The following MAD2L1BP variants were observed in gnomAD, a reference collection of about 807,000 sequenced individuals.
MAD2L1BP encodes the protein MAD2L1 binding protein.
Under a neutral mutation model 28.4 loss-of-function variants are expected in MAD2L1BP, and 22 were observed. That is an observed-to-expected ratio of 0.77 (90% CI 0.55 to 1.10). The LOEUF is 1.10. Among genes scored for constraint, MAD2L1BP ranks in the 50% least tolerant of loss-of-function variants. The pLI is 0.00. For synonymous variants in MAD2L1BP, 146 were observed against 133.7 expected (o/e 1.09, Z -0.63); for missense variants, 325 against 350.5 (o/e 0.93, Z 0.58).
At chr6:43,638,261 C>T (rs1051131617) in intron 2 of MAD2L1BP, among the ~76,000 whole-genome samples, 56 of 150,102 alleles carry the variant, frequency 3.7e-4, no homozygotes, top group East Asian at 1.0e-3. Flanking sequence ...AGGCTGGTCT[C>T]GAAGTCCTGA....
chr6:43,636,357 C>G lies in MAD2L1BP; in HGVS notation c.47-24C>G, dbSNP rs764249700. 6.8e-6 allele frequency: 11 copies of G among 1,612,036 alleles called. No homozygotes were observed. The Admixed American group carries it at 1.8e-4, about 27-fold the overall frequency. ...GCTTTTAGGTTTTTAATTTTTCTCT[C>G]TTGTCCCTCTTTTCATCTACCAGAT... is the stretch of plus-strand genomic sequence containing the variant. On this transcript the variant is annotated intron_variant, in intron 1 of 2. Coordinates refer to ENST00000372171, the MANE Select transcript of MAD2L1BP (RefSeq NM_014628.3).
At chr6:43,639,913 GA>G in intron 2 of MAD2L1BP, 107 bp from the exon 3 acceptor site, 2 of 936,074 alleles carry the variant, frequency 2.1e-6, no homozygotes, top group South Asian at 2.9e-5. Flanking sequence ...CATTGAGCTA[GA>G]AATTAAGTCC....
chr6:43,640,890 A>C lies in MAD2L1BP; in HGVS notation c.*357A>C. The C allele has an allele frequency of 4.3e-6, 1 of 230,692 alleles. No individual in the cohort carries two copies. The highest frequency in any genetic ancestry group is 8.5e-6 in the Non-Finnish European group (1 of 118,076). The allele number at this position is 230,692 out of a possible 1,614,324, so 14.3% of individuals were successfully genotyped here. ...TTTCAGAATTTTTACCAGGAACATA[A>C]TGTGGATGTGACTTATGAACTTAAA... On this transcript the variant is annotated 3_prime_UTR_variant, in exon 3 of 3. Transcript: ENST00000372171.
chr6:43,633,841 C>A (rs1239286252), upstream of MAD2L1BP, among the ~76,000 whole-genome samples: 2 of 152,164 alleles, frequency 1.3e-5, no homozygotes, highest in African/African-American at 4.8e-5. Context: ...TCCCAAAGTG[C>A]TGGGAGTACA....
At chr6:43,638,300 C>G (rs1214945) in intron 2 of MAD2L1BP, among the ~76,000 whole-genome samples, 2 of 152,094 alleles carry the variant, frequency 1.3e-5, no homozygotes, top group African/African-American at 4.8e-5. Context: ...CCTCAGCCTC[C>G]CAAAGTGTTG....
In MAD2L1BP at chr6:43,635,917, C is replaced by A; in HGVS notation, c.42C>A (p.Val14=). The A allele has an allele frequency of 2.0e-6, 3 of 1,505,598 alleles. No individual in the cohort carries two copies. The allele number at this position is 1,505,598 out of a possible 1,614,324, so 93.3% of individuals were successfully genotyped here. A position where few individuals can be genotyped will look rare whatever the true frequency, so the allele number is the denominator to read the frequency against. ...CGGAGGTTCTGTCCTCAGCCGCAGT[C>A]CCTGGTAAGGCGTGGGGCCAAGAGT... ...PEAEVLSSAA[V]PDLEWYEKSE... Residue 14 remains valine, a synonymous_variant, in exon 1 of 3, where the codon GTC becomes GTA. Coordinates refer to ENST00000372171, the MANE Select transcript of MAD2L1BP (RefSeq NM_014628.3).
upstream of MAD2L1BP, among the ~76,000 whole-genome samples, chr6:43,634,200 C>CTT (rs1459012685): frequency 7.1e-6 from 1 of 140,572 alleles, no homozygotes; most frequent in Non-Finnish European, 1.5e-5. Flanking sequence ...TTCCTCCATC[C>CTT]TTTTTTTTTT....
At chr6:43,633,708 A>G (rs1444295349), upstream of MAD2L1BP, among the ~76,000 whole-genome samples, 1 of 148,776 alleles carries the variant, frequency 6.7e-6, no homozygotes, top group Non-Finnish European at 1.5e-5. Flanking sequence ...GCCTGGCCCC[A>G]CTTGTCTATT....
exon 1 of MAD2L1BP, chr6:43,629,763 C>G: frequency 6.4e-7 from 1 of 1,559,840 alleles, no homozygotes; most frequent in Non-Finnish European, 8.7e-7. Context: ...GCCCGCGTGC[C>G]GCTGGGGTGA....
chr6:43,639,511 C>G (rs1218000587), intron 2 of MAD2L1BP, among the ~76,000 whole-genome samples: 1 of 152,206 alleles, frequency 6.6e-6, no homozygotes, highest in African/African-American at 2.4e-5. Context: ...CCAGTTCTTT[C>G]CTCTTGGGAG....
At chr6:43,637,361 C>G (rs1770290883) in intron 2 of MAD2L1BP, among the ~76,000 whole-genome samples, 1 of 151,550 alleles carries the variant, frequency 6.6e-6, no homozygotes, top group Non-Finnish European at 1.5e-5. Context: ...ACTACCGCGC[C>G]TGGCCTGCAT....
chr6:43,631,960 C>T (rs544019486), upstream of MAD2L1BP, among the ~76,000 whole-genome samples: 418 of 152,124 alleles, frequency 2.7e-3, 1 homozygote, highest in African/African-American at 8.8e-3. Context: ...AGTGCAATGG[C>T]GCGATCTTGG....
chr6:43,630,206 T>G (rs1769818336), intron 1 of MAD2L1BP, among the ~76,000 whole-genome samples: 1 of 152,206 alleles, frequency 6.6e-6, no homozygotes, highest in African/African-American at 2.4e-5. Context: ...GACTCTCTTG[T>G]GAAGCAATCT....
chr6:43,632,023 C>T (rs187846043), upstream of MAD2L1BP, among the ~76,000 whole-genome samples: 6 of 152,120 alleles, frequency 3.9e-5, no homozygotes, highest in African/African-American at 1.4e-4. Flanking sequence ...CCTCAGCCTT[C>T]TGAGTAGCTG....
Position 43,640,247 on chromosome 6 carries a change from G to T in MAD2L1BP, c.539G>T (p.Ser180Ile), listed in dbSNP as rs1010247556. ...CTGGCCCCCTACAGCGTGGACCAGA[G>T]CCTGAGCACAGCAGCTTGTTTGCGC... Reference protein sequence around the residue: ...SLLAPYSVDQSLSTAACLRRL... With the variant: ...SLLAPYSVDQILSTAACLRRL... Residue 180 changes from serine to isoleucine, a missense_variant, in exon 3 of 3, where the codon AGC (serine) becomes ATC (isoleucine). Physicochemically the swap from Ser to Ile is moderately radical, Grantham distance 142 (BLOSUM62 -2). Coordinates refer to ENST00000372171, the MANE Select transcript of MAD2L1BP (RefSeq NM_014628.3). The T allele has an allele frequency of 6.2e-7, 1 of 1,613,932 alleles. No individual in the cohort carries two copies. Among genetic ancestry groups the T allele is most frequent in the Admixed American group, 1.7e-5 (1 of 60,002 alleles).
intron 2 of MAD2L1BP, 132 bp downstream of exon 2, chr6:43,636,778 C>A (rs2127861984): frequency 2.9e-6 from 3 of 1,044,300 alleles, no homozygotes; most frequent in East Asian, 2.4e-5. Context: ...CGGTCACTTT[C>A]TCCCCACTCT....
chr6:43,630,851 G>C (rs1024128120), upstream of MAD2L1BP, among the ~76,000 whole-genome samples: 1 of 139,238 alleles, frequency 7.2e-6, no homozygotes, highest in Non-Finnish European at 1.5e-5. Context: ...AGAGGTTATA[G>C]TGAACTGAGA....
intron 2 of MAD2L1BP, among the ~76,000 whole-genome samples, chr6:43,638,665 G>A (rs1384023806): frequency 1.3e-5 from 2 of 151,818 alleles, no homozygotes; most frequent in African/African-American, 4.8e-5. Context: ...GCGTGGTGGT[G>A]GGCGCCTGTA....
At position 43,640,418 on chromosome 6, in the gene MAD2L1BP, G is replaced by T; in HGVS notation, c.710G>T (p.Arg237Leu). The T allele has an allele frequency of 1.2e-6, 2 of 1,613,918 alleles. No homozygotes were observed. Among genetic ancestry groups the T allele is most frequent in the South Asian group, 2.2e-5 (2 of 91,084 alleles). ...RPKLNYRVPS[R>L]GHKLTVTLSC... ...AAGCTCAACTATCGAGTGCCCAGCC[G>T]GGGCCATAAACTGACTGTGACCCTG... Residue 237 changes from arginine to leucine, a missense_variant, in exon 3 of 3, where the codon CGG becomes CTG. Coordinates refer to ENST00000372171, the MANE Select transcript of MAD2L1BP (RefSeq NM_014628.3).
Sources: gnomAD v4.1 joint callset for allele counts (sites outside exome capture counted in the v4.1 genomes callset) on GRCh38, gnomAD v4.1.1 for gene constraint, MANE v1.5 for transcripts, NCBI Gene and HGNC (gene_info 2026-07-23, HGNC 2026-07-21) for gene names.